Variants in PLK5 observed in about 807,000 individuals in gnomAD.
The protein encoded by PLK5 is inactive serine/threonine-protein kinase PLK5.
A neutral mutation model predicts 33.7 loss-of-function variants in PLK5; 28 were observed. The ratio of observed to expected loss-of-function variants is 0.83; its 90% CI spans 0.62 to 1.14. PLK5 has a LOEUF of 1.14. Among genes scored for constraint, PLK5 ranks in the 50% most tolerant of loss-of-function variants. The pLI, the probability that PLK5 is intolerant of heterozygous loss-of-function variation, is 0.00. For synonymous variants in PLK5, 225 were observed against 202.2 expected (o/e 1.11, Z -0.96); for missense variants, 492 against 461.5 (o/e 1.07, Z -0.61).
chr19:1,533,849 G>A lies in PLK5; in HGVS notation c.715-82G>A, dbSNP rs1034194035. The A allele has an allele frequency of 6.0e-6, 7 of 1,160,728 alleles. No homozygotes were observed. The African/African-American group carries it at 7.7e-5, about 13-fold the overall frequency. 71.9% of individuals were successfully genotyped at this position (1,160,728 alleles called of 1,614,324 possible). On this transcript the variant is annotated intron_variant, in intron 12 of 13. Transcript: ENST00000454744. ...CTGCCTGCGGCGGCGGCTGCGGGAGGTGAGAGCTGGGGTGCTGGGTGTGGG... is the reference window on the plus strand; with the variant it reads ...CTGCCTGCGGCGGCGGCTGCGGGAGATGAGAGCTGGGGTGCTGGGTGTGGG...
At chr19:1,528,182 A>T (rs754750557) in intron 7 of PLK5, 48 bp downstream of exon 7, 3 of 1,470,622 alleles carry the variant, frequency 2.0e-6, no homozygotes, top group African/African-American at 1.6e-5. Flanking sequence ...GGTCCCTGGC[A>T]GGTGATGAGC....
Position 1,533,936 on chromosome 19 carries a change from G to A in PLK5, c.720G>A (p.Gly240=), listed in dbSNP as rs1914009214. Residue 240 remains glycine (G), a synonymous_variant, in exon 13 of 14, where the codon GGG becomes GGA. Coordinates refer to ENST00000454744, the MANE Select transcript of PLK5 (RefSeq NM_001243079.2). ...PHGPATPRRE[G]TLPTPVPPAG... is the part of the protein sequence containing the mutation. ...TCAGCCGAGTCTGTCCACAGGAGGG[G>A]ACCCTCCCCACACCTGTGCCACCTG... 1 of 1,533,744 alleles carries A rather than the reference G, an allele frequency of 6.5e-7. No homozygotes were observed. Among genetic ancestry groups the A allele is most frequent in the Admixed American group, 2.0e-5 (1 of 50,978 alleles).
At position 1,529,471 on chromosome 19, in the gene PLK5, C is replaced by A. The variant is rs773742948; in HGVS notation, c.471C>A (p.Thr157=). 3.3e-6 allele frequency: 5 copies of A among 1,535,926 alleles called. No homozygotes were observed. The South Asian group carries it at 3.6e-5, about 11-fold the overall frequency. The change falls in exon 10 of 14, where the codon ACC becomes ACA. Residue 157 remains threonine, a synonymous_variant. Transcript: ENST00000454744. The part of the protein sequence containing the change: ...EGPIHLVAQG[T]LQSDLAGPEG... ...CCATCCACCTGGTCGCACAAGGGAC[C>A]CTGCAGAGTGACCTGGCCGGTGAGC...
At chr19:1,532,332 A>G (rs1913954793) in intron 12 of PLK5, among the ~76,000 whole-genome samples, 1 of 152,010 alleles carries the variant, frequency 6.6e-6, no homozygotes, top group African/African-American at 2.4e-5. Flanking sequence ...TGAACCCAGC[A>G]GTTTGAGATC....
intron 12 of PLK5, among the ~76,000 whole-genome samples, chr19:1,532,763 C>A (rs1415616173): frequency 1.3e-5 from 2 of 151,832 alleles, no homozygotes; most frequent in Admixed American, 1.3e-4. Flanking sequence ...CTCAGGTGAT[C>A]CACCCGCCTC....
At chr19:1,531,710 G>A in intron 11 of PLK5, 28 bp from the exon 12 acceptor site, 1 of 1,535,540 alleles carries the variant, frequency 6.5e-7, no homozygotes, top group Non-Finnish European at 8.7e-7. Context: ...CCTGACCCCT[G>A]GCTCAGCATA....
chr19:1,525,886 C>T (rs8101420), intron 3 of PLK5, among the ~76,000 whole-genome samples, 175 bp downstream of exon 3: 35,159 of 152,176 alleles, frequency 0.23, 4,391 homozygotes, highest in East Asian at 0.53. Flanking sequence ...CTTTACTCAC[C>T]TGGGCACACC....
chr19:1,528,086 C>T lies in PLK5; in HGVS notation c.153C>T (p.Ala51=), dbSNP rs904654722. Residue 51 remains alanine, a synonymous_variant, in exon 7 of 14, where the codon GCC becomes GCT. Transcript: ENST00000454744. ...LIVHLLAPNP[A]ERPSLDHLLQ... is the part of the protein sequence containing the mutation. ...TGCACCTCCTAGCACCCAACCCGGC[C>T]GAGCGGCCCAGCCTGGACCACCTGC... is the stretch of plus-strand genomic sequence containing the variant. The T allele has an allele frequency of 9.0e-5, 139 of 1,535,946 alleles. 1 individual carries two copies. The highest frequency in any genetic ancestry group is 5.0e-4 in the Middle Eastern group (3 of 5,990).
chr19:1,527,961 C>A lies in PLK5; in HGVS notation c.28C>A (p.Pro10Thr), dbSNP rs1370002005. 3.3e-6 allele frequency: 5 copies of A among 1,535,704 alleles called. No individual in the cohort carries two copies. The highest frequency in any genetic ancestry group is 4.4e-6 in the Non-Finnish European group (5 of 1,146,680). Reference sequence around the variant, plus strand: ...GTACACGGTGCTGACTGGCACCCCACCCTTCATGGCCTCACCCCTGTCGGA... The same window carrying A: ...GTACACGGTGCTGACTGGCACCCCAACCTTCATGGCCTCACCCCTGTCGGA... MYTVLTGTP[P>T]FMASPLSEMY... The change falls in exon 7 of 14, where the codon CCC (proline) becomes ACC (threonine). Residue 10 changes from proline (P) to threonine (T), a missense_variant. Transcript: ENST00000454744.
In PLK5 at chr19:1,524,753, A is replaced by T; in HGVS notation, c.-544+507A>T. ...GGTGTGCTTGTGTGTTTGTGTGTTC[A>T]TATGTGGTGTGTCTAGGAGTTGTGT... On this transcript the variant is annotated intron_variant, in intron 1 of 13. Coordinates refer to ENST00000454744, the MANE Select transcript of PLK5 (RefSeq NM_001243079.2). The surrounding 1 kb of genome is among the most constrained non-coding windows in gnomAD (Gnocchi z 4.5). 6.7e-6 allele frequency among the ~76,000 whole-genome samples: 1 copy of T among 148,526 alleles called. No individual in the cohort carries two copies. The highest frequency in any genetic ancestry group is 2.1e-4 in the South Asian group (1 of 4,712).
At chr19:1,534,586 A>G (rs1348793346) in intron 13 of PLK5, among the ~76,000 whole-genome samples, 8 of 150,352 alleles carry the variant, frequency 5.3e-5, no homozygotes, top group African/African-American at 2.0e-4. Context: ...TGGGCAGATC[A>G]CGAGGTCAGG....
At chr19:1,531,994 T>C in intron 12 of PLK5, 111 bp downstream of exon 12, 1 of 1,235,576 alleles carries the variant, frequency 8.1e-7, no homozygotes, top group Non-Finnish European at 1.1e-6. Context: ...AGGTGCTCCC[T>C]GCCTGGTCGG....
At chr19:1,531,962 AGCACCTACTGT>A (rs1346982959) in intron 12 of PLK5, 79 bp downstream of exon 12, 52 of 1,398,740 alleles carry the variant, frequency 3.7e-5, no homozygotes, top group Non-Finnish European at 4.7e-5. Flanking sequence ...GTATTTATTA[AGCACCTACTGT>A]GCACACCTAC....
In PLK5 at chr19:1,526,981, G is replaced by A; in HGVS notation, c.-16G>A. On this transcript the variant is annotated 5_prime_UTR_variant, in exon 6 of 14. Coordinates refer to ENST00000454744, the MANE Select transcript of PLK5 (RefSeq NM_001243079.2). ...GTCACTCCTGCCAGTAGGACATCTG[G>A]GCTCTGGGCTGCATCATGTGAGTGG... is the stretch of plus-strand genomic sequence containing the variant. 6.5e-7 allele frequency: 1 copy of A among 1,535,584 alleles called. No individual in the cohort carries two copies. The highest frequency in any genetic ancestry group is 8.7e-7 in the Non-Finnish European group (1 of 1,146,654).
At chr19:1,533,249 C>G (rs1339424141) in intron 12 of PLK5, among the ~76,000 whole-genome samples, 3 of 152,064 alleles carry the variant, frequency 2.0e-5, no homozygotes, top group African/African-American at 4.8e-5. Context: ...CCCGCCACCA[C>G]GCCTGGCTAA....
rs990040090 is a variant in PLK5 at position 1,524,771 on chromosome 19, AGTTGT to A, written c.-544+528_-543-527del. Among the ~76,000 whole-genome samples the A allele has an allele frequency of 5.2e-5, 7 of 135,696 alleles. No homozygotes were observed. Among genetic ancestry groups the A allele is most frequent in the Admixed American group, 3.5e-4 (5 of 14,396 alleles). 89.0% of individuals were successfully genotyped at this position (135,696 alleles called of 152,430 possible). ...TGTGTTCATATGTGGTGTGTCTAGG[AGTTGT>A]GTGTTCATGTGTTTGTATCTGTGTC... is the stretch of plus-strand genomic sequence containing the variant. On this transcript the variant is annotated intron_variant, in intron 1 of 13. Coordinates refer to ENST00000454744, the MANE Select transcript of PLK5 (RefSeq NM_001243079.2). The surrounding 1 kb of genome is among the most constrained non-coding windows in gnomAD (Gnocchi z 4.5).
Position 1,534,024 on chromosome 19 carries a change from A to G in PLK5, c.808A>G (p.Ser270Gly). ...ASEHALLLLFSNGMVQVSFSG... is the reference protein window; with the variant it reads ...ASEHALLLLFGNGMVQVSFSG... ...TGAGCACGCCCTGCTGCTGCTGTTCAGCAATGGGATGGTGCAGGTGAGCCC... is the reference window on the plus strand; with the variant it reads ...TGAGCACGCCCTGCTGCTGCTGTTCGGCAATGGGATGGTGCAGGTGAGCCC... The change falls in exon 13 of 14, where the codon AGC becomes GGC. Residue 270 changes from serine (S) to glycine (G), a missense_variant. Transcript: ENST00000454744. 6.5e-7 allele frequency: 1 copy of G among 1,535,590 alleles called. No homozygotes were observed. The highest frequency in any genetic ancestry group is 8.7e-7 in the Non-Finnish European group (1 of 1,146,752).
Position 1,529,762 on chromosome 19 carries a change from G to C in PLK5, c.506G>C (p.Arg169Pro). ...GTCTTCCCAGGGCCCGAGGGGAGCCGGCGGCCAGAGGTGGAGGCGGCCCTC... is the reference window on the plus strand; with the variant it reads ...GTCTTCCCAGGGCCCGAGGGGAGCCCGCGGCCAGAGGTGGAGGCGGCCCTC... The part of the protein sequence containing the change: ...QSDLAGPEGS[R>P]RPEVEAALRH... Residue 169 changes from arginine to proline, a missense_variant, in exon 11 of 14, where the codon CGG becomes CCG. Transcript: ENST00000454744. The C allele has an allele frequency of 6.5e-7, 1 of 1,536,066 alleles. No homozygotes were observed. Among genetic ancestry groups the C allele is most frequent in the South Asian group, 1.2e-5 (1 of 84,066 alleles).
At chr19:1,529,238 C>G (rs1323206625) in intron 9 of PLK5, among the ~76,000 whole-genome samples, 168 bp from the exon 10 acceptor site, 2 of 152,212 alleles carry the variant, frequency 1.3e-5, no homozygotes, top group Non-Finnish European at 2.9e-5. Context: ...TATTGAGCAC[C>G]TACTGTATGC....
Sources: gnomAD v4.1 joint callset for allele counts (sites outside exome capture counted in the v4.1 genomes callset) on GRCh38, gnomAD v4.1.1 for gene constraint, Gnocchi (gnomAD v3.1) non-coding constraint, MANE v1.5 for transcripts, NCBI Gene and HGNC (gene_info 2026-07-23, HGNC 2026-07-21) for gene names.